Variants in NKIRAS1 observed in about 807,000 individuals in gnomAD.
NKIRAS1 encodes the protein NFKB inhibitor interacting Ras like 1, also known as NF-kappa-B inhibitor-interacting Ras-like protein 1.
A neutral mutation model predicts 19.8 loss-of-function variants in NKIRAS1; 16 were observed. That is an observed-to-expected ratio of 0.81 (90% CI 0.55 to 1.23). The LOEUF is 1.23. NKIRAS1 is among the 50% of genes most tolerant of loss of function. The pLI, the probability that NKIRAS1 is intolerant of heterozygous loss-of-function variation, is 0.00. For synonymous variants in NKIRAS1, 88 were observed against 79.0 expected, an observed-to-expected ratio of 1.11 and a Z score of -0.61; for missense variants, 184 against 220.0, an observed-to-expected ratio of 0.84 and a Z score of 1.04.
intron 1 of NKIRAS1, among the ~76,000 whole-genome samples, chr3:23,914,126 A>C (rs547761265): frequency 6.6e-6 from 1 of 152,286 alleles, no homozygotes; most frequent in East Asian, 1.9e-4. Context: ...CTAATCAATA[A>C]CATTGCTAGA....
In NKIRAS1 at chr3:23,890,535, A is replaced by T. The variant is rs746340000; in HGVS notation, c.*2560T>A. 6.2e-7 allele frequency: 1 copy of T among 1,613,158 alleles called. No homozygotes were observed. Among genetic ancestry groups the T allele is most frequent in the Non-Finnish European group, 8.5e-7 (1 of 1,179,640 alleles). On this transcript the variant is annotated 3_prime_UTR_variant, in exon 5 of 5. Transcript: ENST00000425478. ...CGACCCCTTGGTGGGAAGTATTGCC[A>T]CTCAGTATATGACCAACAGAGCAGA...
chr3:23,918,295 G>C (rs1472706062), upstream of NKIRAS1: 2 of 1,039,824 alleles, frequency 1.9e-6, no homozygotes, highest in African/African-American at 1.6e-5. Flanking sequence ...CATTGAAAAA[G>C]ACTGGGATGT....
chr3:23,942,619 CG>C (rs2125272403), intron 1 of NKIRAS1, among the ~76,000 whole-genome samples: 1 of 152,078 alleles, frequency 6.6e-6, no homozygotes, highest in South Asian at 2.1e-4. Flanking sequence ...TTAGTAGAGA[CG>C]GGGTTTCTCC....
upstream of NKIRAS1, chr3:23,918,824 A>G (rs542796846): frequency 1.8e-6 from 1 of 548,998 alleles, no homozygotes; most frequent in Non-Finnish European, 3.2e-6. Context: ...GAAGAGACCA[A>G]ATGTGGCCTG....
chr3:23,893,066 C>A lies in NKIRAS1; in HGVS notation c.*29G>T. The A allele has an allele frequency of 2.0e-6, 3 of 1,523,892 alleles. No homozygotes were observed. Among genetic ancestry groups the A allele is most frequent in the South Asian group, 2.7e-5 (2 of 74,370 alleles). 94.4% of individuals were successfully genotyped at this position (1,523,892 alleles called of 1,614,324 possible). On this transcript the variant is annotated 3_prime_UTR_variant, in exon 5 of 5. Coordinates refer to ENST00000425478, the MANE Select transcript of NKIRAS1 (RefSeq NM_020345.4). The stretch of plus-strand genomic sequence containing the variant: ...CAGACACTTAAAGGCAATCACTATT[C>A]AACATACAATTGTGGAAATTACTGA...
intron 1 of NKIRAS1, chr3:23,923,928 T>G (rs1230161477): frequency 6.6e-6 from 1 of 152,216 alleles, no homozygotes; most frequent in Non-Finnish European, 1.5e-5. Context: ...GGCAAAGCTA[T>G]GTGCATACCA....
intron 1 of NKIRAS1, chr3:23,945,676 G>T (rs1318049176): frequency 1.5e-5 from 14 of 957,972 alleles, no homozygotes; most frequent in Admixed American, 9.7e-5. Context: ...GCGGCGGCAG[G>T]GGGTGTCCCC....
chr3:23,891,251 G>A lies in NKIRAS1; in HGVS notation c.*1844C>T, dbSNP rs930718026. The A allele has an allele frequency of 4.6e-5, 7 of 152,212 alleles. No individual in the cohort carries two copies. The highest frequency in any genetic ancestry group is 1.0e-4 in the Non-Finnish European group (7 of 68,044). The allele number at this position is 152,212 out of a possible 1,614,324, so 9.4% of individuals were successfully genotyped here. A position where few individuals can be genotyped will look rare whatever the true frequency, so the allele number is the denominator to read the frequency against. ...TTGCTCAGTGGATTGGTTCTATGTT[G>A]TGGACTACTTAAGTCTGCATTTGTT... On this transcript the variant is annotated 3_prime_UTR_variant, in exon 5 of 5. Coordinates refer to ENST00000425478, the MANE Select transcript of NKIRAS1 (RefSeq NM_020345.4).
At chr3:23,918,120 GTCTT>G (rs1704776734), upstream of NKIRAS1, 3 of 1,473,602 alleles carry the variant, frequency 2.0e-6, no homozygotes, top group Non-Finnish European at 1.8e-6. Flanking sequence ...CTGCCTCAGT[GTCTT>G]TCTTCGCATA....
At chr3:23,919,101 CTGG>C, upstream of NKIRAS1, 1 of 806,120 alleles carries the variant, frequency 1.2e-6, no homozygotes. Context: ...AGACTCTTGT[CTGG>C]TGGTGAACTA....
In NKIRAS1 at chr3:23,890,628, C is replaced by A. The variant is rs767496679; in HGVS notation, c.*2467G>T. The A allele has an allele frequency of 6.3e-7, 1 of 1,588,290 alleles. No homozygotes were observed. The highest frequency in any genetic ancestry group is 1.7e-5 in the Admixed American group (1 of 58,994). On this transcript the variant is annotated 3_prime_UTR_variant, in exon 5 of 5. Transcript: ENST00000425478. ...ATAAATTGGGGTTTCACAATTCTTA[C>A]ATTATTTGTCTGTCACAGAAGAGAG...
intron 1 of NKIRAS1, among the ~76,000 whole-genome samples, chr3:23,932,476 G>A (rs1048989185): frequency 7.2e-5 from 11 of 151,956 alleles, no homozygotes; most frequent in Admixed American, 4.6e-4. Flanking sequence ...ATCACCTGAG[G>A]TCGGGAGTCC....
At chr3:23,899,988 CCT>C (rs1311871550) in intron 4 of NKIRAS1, among the ~76,000 whole-genome samples, 2 of 151,730 alleles carry the variant, frequency 1.3e-5, no homozygotes, top group African/African-American at 2.4e-5. Flanking sequence ...ACGGTGAAAC[CCT>C]GTTTCTACTA....
chr3:23,895,773 G>C (rs1342180167), intron 4 of NKIRAS1, among the ~76,000 whole-genome samples: 1 of 152,066 alleles, frequency 6.6e-6, no homozygotes, highest in South Asian at 2.1e-4. Context: ...ACAAGTTCCA[G>C]TATCTCCTCT....
chr3:23,943,934 CAGAGT>C (rs143140331), intron 1 of NKIRAS1, among the ~76,000 whole-genome samples: 1,992 of 152,286 alleles, frequency 0.013, 49 homozygotes, highest in African/African-American at 0.046. Flanking sequence ...GGGTTTTCAG[CAGAGT>C]AATCAGATCT....
At chr3:23,921,682 C>T (rs781286471), upstream of NKIRAS1, 5 of 619,768 alleles carry the variant, frequency 8.1e-6, no homozygotes, top group East Asian at 1.2e-4. Context: ...TTGAGCAATT[C>T]TTCTGCCTCG....
chr3:23,918,936 C>A, upstream of NKIRAS1: 1 of 531,436 alleles, frequency 1.9e-6, no homozygotes, highest in South Asian at 2.8e-5. Context: ...TTTTGTTACC[C>A]AGATATTAAC....
upstream of NKIRAS1, among the ~76,000 whole-genome samples, chr3:23,921,299 G>A (rs1227420538): frequency 2.0e-5 from 3 of 152,112 alleles, no homozygotes; most frequent in African/African-American, 7.2e-5. Flanking sequence ...TGGCACTCCC[G>A]TGCAAAAAAA....
intron 1 of NKIRAS1, among the ~76,000 whole-genome samples, chr3:23,930,193 G>A (rs187979238): frequency 6.6e-6 from 1 of 152,266 alleles, no homozygotes; most frequent in Admixed American, 6.5e-5. Flanking sequence ...TCATCCTGGG[G>A]GGTATTTGCT....
Sources: gnomAD v4.1 joint callset for allele counts (sites outside exome capture counted in the v4.1 genomes callset) on GRCh38, gnomAD v4.1.1 for gene constraint, MANE v1.5 for transcripts, NCBI Gene and HGNC (gene_info 2026-07-23, HGNC 2026-07-21) for gene names.